The following NEDD9 variants were observed in gnomAD, a reference collection of about 807,000 sequenced individuals.
NEDD9 encodes enhancer of filamentation 1.
Under a neutral mutation model 76.6 loss-of-function variants are expected in NEDD9, and 26 were observed. The ratio of observed to expected loss-of-function variants is 0.34; its 90% CI spans 0.25 to 0.47. The LOEUF (loss-of-function observed/expected upper bound fraction) is 0.47. Ranked by LOEUF, NEDD9 falls within the 20% of genes least tolerant of loss-of-function variation. The pLI, the probability that NEDD9 is intolerant of heterozygous loss-of-function variation, is 1.00. For synonymous variants in NEDD9, 392 were observed against 414.2 expected (o/e 0.95, Z 0.65); for missense variants, 937 against 1,058.5 (o/e 0.89, Z 1.59).
chr6:11,267,696 T>C (rs1462883091), intron 3 of NEDD9, among the ~76,000 whole-genome samples: 1 of 152,172 alleles, frequency 6.6e-6, no homozygotes, highest in East Asian at 1.9e-4. Context: ...AGGAAGCTAT[T>C]GTCAATGCCT....
chr6:11,378,117 C>A (rs1334059048), intron 1 of NEDD9, among the ~76,000 whole-genome samples: 1 of 152,130 alleles, frequency 6.6e-6, no homozygotes, highest in Non-Finnish European at 1.5e-5. Context: ...GTGGCATGCA[C>A]GTGTAATCCC....
intron 3 of NEDD9, among the ~76,000 whole-genome samples, chr6:11,275,649 C>T (rs1015226038): frequency 1.3e-5 from 2 of 151,958 alleles, no homozygotes; most frequent in South Asian, 2.1e-4. Flanking sequence ...GCCGACATGC[C>T]CACAGGCAGC....
chr6:11,287,030 CAATT>C (rs566391276), intron 3 of NEDD9, among the ~76,000 whole-genome samples: 6 of 152,072 alleles, frequency 3.9e-5, no homozygotes, highest in Non-Finnish European at 8.8e-5. Flanking sequence ...TGGGCTCACA[CAATT>C]TTTTAAAAAA....
At chr6:11,347,690 C>A (rs1463484841) in intron 1 of NEDD9, among the ~76,000 whole-genome samples, 2 of 152,124 alleles carry the variant, frequency 1.3e-5, no homozygotes, top group African/African-American at 4.8e-5. Context: ...AAAGACAAGA[C>A]CCACGTGATC....
intron 3 of NEDD9, among the ~76,000 whole-genome samples, chr6:11,266,567 C>T (rs1032355072): frequency 6.6e-6 from 1 of 152,080 alleles, no homozygotes; most frequent in African/African-American, 2.4e-5. Flanking sequence ...TAAATTTATT[C>T]CTTCTGGCCA....
rs1758094396 is a variant in NEDD9, at chr6:11,190,047, T to G, written c.1822A>C (p.Ser608Arg). The change falls in exon 5 of 7, where the codon AGC (serine) becomes CGC (arginine). Residue 608 changes from serine to arginine, a missense_variant. Ser to Arg is a moderately radical substitution (Grantham distance 110). Transcript: ENST00000379446. This position sits in a 1 kb window ranked among gnomAD's most constrained non-coding sequence, Gnocchi z 5.8. ...AHNKALPPGL[S>R]KEQAPDCSSS... ...CTACAGTCAGGGGCCTGCTCCTTGC[T>G]CAGGCCTGGGGGCAGTGCCTTGTTG... is the stretch of plus-strand genomic sequence containing the variant. The G allele has an allele frequency of 1.3e-6, 2 of 1,575,638 alleles. No individual in the cohort carries two copies. Among genetic ancestry groups the G allele is most frequent in the Non-Finnish European group, 1.7e-6 (2 of 1,160,342 alleles).
intron 1 of NEDD9, among the ~76,000 whole-genome samples, chr6:11,350,061 GGCC>G (rs1762436655): frequency 6.6e-6 from 1 of 152,198 alleles, no homozygotes; most frequent in Non-Finnish European, 1.5e-5. Flanking sequence ...TTCAGGAGCT[GGCC>G]TGGGCAATAC....
chr6:11,294,123 T>C (rs533578164), intron 3 of NEDD9, among the ~76,000 whole-genome samples: 2 of 152,308 alleles, frequency 1.3e-5, no homozygotes, highest in African/African-American at 4.8e-5. Flanking sequence ...TTGTGAATAA[T>C]GTTGTAATGA....
chr6:11,313,253 G>A (rs1156739829), intron 2 of NEDD9, among the ~76,000 whole-genome samples: 1 of 151,750 alleles, frequency 6.6e-6, no homozygotes, highest in Non-Finnish European at 1.5e-5. Flanking sequence ...GATAGATGGT[G>A]GGTGGATGGA....
intron 1 of NEDD9, among the ~76,000 whole-genome samples, chr6:11,220,536 G>C (rs1453865658): frequency 2.0e-5 from 3 of 152,204 alleles, no homozygotes; most frequent in Non-Finnish European, 4.4e-5. Flanking sequence ...GCAGCGCCCT[G>C]TGTGTGGTTG....
intron 3 of NEDD9, among the ~76,000 whole-genome samples, chr6:11,275,163 A>G (rs1394813258): frequency 6.6e-6 from 1 of 152,304 alleles, no homozygotes; most frequent in Non-Finnish European, 1.5e-5. Flanking sequence ...CAAATACAAC[A>G]CGATCTCACT....
intron 2 of NEDD9, among the ~76,000 whole-genome samples, chr6:11,319,428 GCA>G (rs1561832379): frequency 1.3e-5 from 2 of 149,484 alleles, no homozygotes; most frequent in African/African-American, 2.5e-5. Flanking sequence ...AGTCACACAT[GCA>G]CACTCACACA....
chr6:11,319,630 CACT>C (rs890431043), intron 2 of NEDD9, among the ~76,000 whole-genome samples: 4 of 144,690 alleles, frequency 2.8e-5, no homozygotes, highest in African/African-American at 1.0e-4. Flanking sequence ...CACACACACA[CACT>C]AACATGCACA....
At chr6:11,195,630 C>T (rs1423691288) in intron 2 of NEDD9, among the ~76,000 whole-genome samples, 1 of 152,156 alleles carries the variant, frequency 6.6e-6, no homozygotes, top group Non-Finnish European at 1.5e-5. Flanking sequence ...CCAAGGTTGC[C>T]AACTTAGCAA....
chr6:11,281,495 C>T (rs1446241802), intron 3 of NEDD9, among the ~76,000 whole-genome samples: 1 of 152,168 alleles, frequency 6.6e-6, no homozygotes, highest in Non-Finnish European at 1.5e-5. Flanking sequence ...ATATCTGGAG[C>T]TACAGCAGTC....
intron 3 of NEDD9, among the ~76,000 whole-genome samples, chr6:11,260,981 G>C (rs1026393429): frequency 1.3e-5 from 2 of 151,938 alleles, no homozygotes; most frequent in Non-Finnish European, 2.9e-5. Flanking sequence ...ATCATGTCCT[G>C]GTTGGCTCAC....
At chr6:11,237,100 A>C (rs1038690697), upstream of NEDD9, among the ~76,000 whole-genome samples, 2 of 151,220 alleles carry the variant, frequency 1.3e-5, no homozygotes, top group South Asian at 4.2e-4. This position sits in a 1 kb window ranked among gnomAD's most constrained non-coding sequence, Gnocchi z 4.9. Flanking sequence ...CTTGTCTACA[A>C]CCCCCACCCT....
chr6:11,215,878 C>G (rs980627810), intron 1 of NEDD9, among the ~76,000 whole-genome samples: 9 of 152,186 alleles, frequency 5.9e-5, no homozygotes, highest in African/African-American at 2.2e-4. Context: ...TAAATCAGCT[C>G]AAGGCATTCG....
intron 1 of NEDD9, among the ~76,000 whole-genome samples, chr6:11,215,944 G>C (rs1758941600): frequency 6.6e-6 from 1 of 152,204 alleles, no homozygotes. Flanking sequence ...TGGAGCACCG[G>C]AGCATGCTTG....
Sources: allele counts gnomAD v4.1 joint callset (sites outside exome capture counted in the v4.1 genomes callset), GRCh38; gene constraint gnomAD v4.1.1; non-coding constraint Gnocchi (gnomAD v3.1); transcripts MANE v1.5; gene names NCBI Gene and HGNC (gene_info 2026-07-23, HGNC 2026-07-21).